Variants in LIFR observed in about 807,000 individuals in gnomAD.
LIFR encodes LIF receptor subunit alpha.
Under a neutral mutation model 122.2 loss-of-function variants are expected in LIFR, and 84 were observed. The observed-to-expected ratio is 0.69, with a 90% CI of 0.58 to 0.82. The LOEUF (loss-of-function observed/expected upper bound fraction) is 0.82, where lower values mean the gene tolerates loss of function less well. LIFR is among the 40% of genes least tolerant of loss of function. LIFR has a pLI of 0.00. For synonymous variants in LIFR, 422 were observed against 434.7 expected, an observed-to-expected ratio of 0.97 and a Z score of 0.36; for missense variants, 1,294 against 1,311.6, an observed-to-expected ratio of 0.99 and a Z score of 0.21.
chr5:38,551,739 C>T (rs752081283), intron 1 of LIFR, among the ~76,000 whole-genome samples: 28 of 152,206 alleles, frequency 1.8e-4, no homozygotes, highest in Non-Finnish European at 5.9e-5. Flanking sequence ...ATTTTCACCT[C>T]TGTGCAAAAG....
rs754199953 is a variant in LIFR, at chr5:38,493,657, T to C, written c.2014A>G (p.Met672Val). The change falls in exon 14 of 20, where the codon ATG becomes GTG. Residue 672 changes from methionine to valine, a missense_variant. Physicochemically the swap from Met to Val is conservative, Grantham distance 21. Transcript: ENST00000453190. ...CNSSRSEPCL[M>V]DWRKVPSNST... The stretch of plus-strand genomic sequence containing the variant: ...TTTGAGGGAACTTTTCTCCAGTCCA[T>C]AAGGCATGGTTCCGACCGAGACGAG... The C allele has an allele frequency of 6.2e-7, 1 of 1,614,204 alleles. No homozygotes were observed. The highest frequency in any genetic ancestry group is 8.5e-7 in the Non-Finnish European group (1 of 1,180,032).
At chr5:38,594,808 A>G (rs1475491607) in intron 1 of LIFR, 1 of 185,222 alleles carries the variant, frequency 5.4e-6, no homozygotes, top group African/African-American at 2.3e-5. Context: ...TCTGACATGG[A>G]AAAAAAGCGA....
At chr5:38,554,284 T>C (rs555116020) in intron 1 of LIFR, among the ~76,000 whole-genome samples, 37 of 152,298 alleles carry the variant, frequency 2.4e-4, no homozygotes, top group African/African-American at 8.7e-4. Flanking sequence ...CAAAGACTCT[T>C]ATGGATTACT....
At chr5:38,526,059 T>C (rs745967934) in intron 4 of LIFR, among the ~76,000 whole-genome samples, 2 of 152,220 alleles carry the variant, frequency 1.3e-5, no homozygotes, top group Non-Finnish European at 2.9e-5. Flanking sequence ...CTCCCTTTCT[T>C]TTCTTTATAG....
intron 3 of LIFR, among the ~76,000 whole-genome samples, chr5:38,527,631 T>A (rs1326660999): frequency 6.6e-6 from 1 of 152,118 alleles, no homozygotes; most frequent in Non-Finnish European, 1.5e-5. Flanking sequence ...GAGGGACCAG[T>A]GCATCACAGC....
intron 16 of LIFR, among the ~76,000 whole-genome samples, chr5:38,488,003 C>T (rs1365321535): frequency 6.6e-6 from 1 of 152,238 alleles, no homozygotes; most frequent in Non-Finnish European, 1.5e-5. Flanking sequence ...TTTGCCTCTT[C>T]TGTTCTCTCC....
chr5:38,506,891 T>TG (rs1745516983), intron 7 of LIFR, among the ~76,000 whole-genome samples: 1 of 152,196 alleles, frequency 6.6e-6, no homozygotes, highest in Non-Finnish European at 1.5e-5. Flanking sequence ...CAACTTGAAA[T>TG]ATCAGTTGTC....
chr5:38,559,898 TATTGC>T (rs1199814701), upstream of LIFR, among the ~76,000 whole-genome samples: 1 of 152,250 alleles, frequency 6.6e-6, no homozygotes, highest in Non-Finnish European at 1.5e-5. Flanking sequence ...TTGTAAATGC[TATTGC>T]ATTTGAAATG....
rs2112430021 is a variant in LIFR, at chr5:38,496,430, C to T, written c.1837G>A (p.Val613Met). The T allele has an allele frequency of 1.9e-6, 3 of 1,614,198 alleles. No homozygotes were observed. The highest frequency in any genetic ancestry group is 2.5e-6 in the Non-Finnish European group (3 of 1,180,024). The change falls in exon 13 of 20, where the codon GTG becomes ATG. Residue 613 changes from valine (V) to methionine (M), a missense_variant. Val to Met is a conservative substitution (Grantham distance 21). Transcript: ENST00000453190. ...YIISVVAKNS[V>M]GSSPPSKIAS... ...ATTTTGGAAGGTGGTGATGAGCCCACAGAATTTTTAGCCACTACGCTGATG... is the reference window on the plus strand; with the variant it reads ...ATTTTGGAAGGTGGTGATGAGCCCATAGAATTTTTAGCCACTACGCTGATG...
chr5:38,528,557 G>A, intron 3 of LIFR, 169 bp downstream of exon 3: 1 of 655,782 alleles, frequency 1.5e-6, no homozygotes, highest in Non-Finnish European at 2.8e-6. Context: ...ACCTCATAAT[G>A]CTTGGTGCCC....
chr5:38,499,111 T>A (rs557807247), intron 12 of LIFR, among the ~76,000 whole-genome samples: 1 of 152,190 alleles, frequency 6.6e-6, no homozygotes, highest in Non-Finnish European at 1.5e-5. Flanking sequence ...ATAACTGGCA[T>A]GTTATAATGC....
upstream of LIFR, among the ~76,000 whole-genome samples, chr5:38,598,083 G>A (rs1051222069): frequency 1.3e-5 from 2 of 151,888 alleles, no homozygotes; most frequent in Non-Finnish European, 2.9e-5. Flanking sequence ...ACTTTCCCCA[G>A]CTGCATCCAG....
intron 1 of LIFR, among the ~76,000 whole-genome samples, chr5:38,566,870 A>G (rs1010588405): frequency 1.3e-5 from 2 of 152,196 alleles, no homozygotes; most frequent in African/African-American, 4.8e-5. Context: ...TCTAAAAAAA[A>G]AGAAGAAAAT....
In LIFR at chr5:38,493,694, A is replaced by T. The variant is rs775135894; in HGVS notation, c.1977T>A (p.Ile659=). Residue 659 remains isoleucine (I), a synonymous_variant, in exon 14 of 20, where the codon ATT becomes ATA. Transcript: ENST00000453190. ...CCGACCGAGACGAGTTACACCACTT[A>T]ATGACGTAGTCGCAAGTCATGTTGG... ...YDPNMTCDYV[I]KWCNSSRSEP... 5.0e-6 allele frequency: 8 copies of T among 1,614,130 alleles called. No individual in the cohort carries two copies. In the South Asian group the frequency reaches 8.8e-5, roughly 18 times the overall value.
intron 1 of LIFR, among the ~76,000 whole-genome samples, chr5:38,583,967 C>T (rs1350911330): frequency 6.6e-6 from 1 of 152,086 alleles, no homozygotes; most frequent in Non-Finnish European, 1.5e-5. Flanking sequence ...TTTTGCCTTT[C>T]ACCATGTGAG....
chr5:38,512,041 A>G, intron 5 of LIFR, 77 bp from the exon 6 acceptor site: 1 of 1,393,772 alleles, frequency 7.2e-7, no homozygotes, highest in South Asian at 1.2e-5. Flanking sequence ...TAAAAGACAC[A>G]ATAGATTCCA....
chr5:38,490,056 TTTTAA>T (rs1252296546), intron 15 of LIFR, 129 bp downstream of exon 15: 5 of 458,504 alleles, frequency 1.1e-5, no homozygotes, highest in African/African-American at 4.1e-5. Context: ...ATCAAATACT[TTTTAA>T]TTTATCAAAT....
chr5:38,574,811 C>T (rs1749330132), intron 1 of LIFR, among the ~76,000 whole-genome samples: 1 of 152,170 alleles, frequency 6.6e-6, no homozygotes, highest in Non-Finnish European at 1.5e-5. Context: ...TGGACTTTTG[C>T]TTTCATTCTT....
upstream of LIFR, among the ~76,000 whole-genome samples, chr5:38,597,873 T>C (rs1456618109): frequency 6.6e-6 from 1 of 152,080 alleles, no homozygotes; most frequent in Non-Finnish European, 1.5e-5. Flanking sequence ...TGAGTGGGGG[T>C]GCATGGAGCA....
Sources: gnomAD v4.1 joint callset for allele counts (sites outside exome capture counted in the v4.1 genomes callset) on GRCh38, gnomAD v4.1.1 for gene constraint, MANE v1.5 for transcripts, NCBI Gene and HGNC (gene_info 2026-07-23, HGNC 2026-07-21) for gene names.